Variants in LYPD1 observed in about 807,000 individuals in gnomAD.
LYPD1 encodes the protein ly6/PLAUR domain-containing protein 1.
In LYPD1, 14 loss-of-function variants were observed where a neutral mutation model predicts 14.2. The observed-to-expected ratio is 0.99, with a 90% CI of 0.65 to 1.54. The LOEUF (loss-of-function observed/expected upper bound fraction) is 1.54, where lower values mean the gene tolerates loss of function less well. Ranked by LOEUF, LYPD1 falls within the 40% of genes most tolerant of loss-of-function variation. The probability of loss-of-function intolerance (pLI) is 0.00; values close to 1 mark genes in which losing one functional copy is unlikely to be tolerated. For synonymous variants in LYPD1, 85 were observed against 70.6 expected (o/e 1.20, Z -1.02); for missense variants, 165 against 175.7 (o/e 0.94, Z 0.34).
At chr2:132,655,514 A>ACTTTTTTT (rs1682535529) in intron 2 of LYPD1, among the ~76,000 whole-genome samples, 5 of 99,458 alleles carry the variant, frequency 5.0e-5, no homozygotes, top group African/African-American at 9.6e-5. Flanking sequence ...GTTGAGAAGC[A>ACTTTTTTT]TTTTTTTTTT....
chr2:132,651,639 C>T (rs1308084456), intron 2 of LYPD1, among the ~76,000 whole-genome samples: 1 of 152,192 alleles, frequency 6.6e-6, no homozygotes, highest in African/African-American at 2.4e-5. Flanking sequence ...TTATACTATA[C>T]ATATTAAGCA....
In LYPD1 at chr2:132,658,269, C is replaced by A. The variant is rs1048649553; in HGVS notation, c.190+10131G>T. Among the ~76,000 whole-genome samples, 8 of 152,192 alleles carry A rather than the reference C, an allele frequency of 5.3e-5. No homozygotes were observed. The East Asian group carries it at 1.5e-3, about 29-fold the overall frequency. Reference sequence around the variant, plus strand: ...CCCCAAGATCACCTATGTAGACTATCTTGTTACATAAACAAGAAATGCCTT... The same window carrying A: ...CCCCAAGATCACCTATGTAGACTATATTGTTACATAAACAAGAAATGCCTT... On this transcript the variant is annotated intron_variant, in intron 2 of 2. Transcript: ENST00000397463.
At chr2:132,668,862 T>G (rs1485502811) in intron 1 of LYPD1, among the ~76,000 whole-genome samples, 11 of 152,240 alleles carry the variant, frequency 7.2e-5, no homozygotes, top group Admixed American at 7.2e-4. Context: ...GTGAAGTAGC[T>G]CTGGAGATGT....
intron 2 of LYPD1, among the ~76,000 whole-genome samples, chr2:132,664,634 G>A (rs190076340): frequency 6.6e-6 from 1 of 152,290 alleles, no homozygotes; most frequent in East Asian, 1.9e-4. Context: ...TTTAAATAAG[G>A]TTTAGGAGAA....
At chr2:132,664,820 A>C (rs573732416) in intron 2 of LYPD1, among the ~76,000 whole-genome samples, 1 of 152,354 alleles carries the variant, frequency 6.6e-6, no homozygotes, top group African/African-American at 2.4e-5. Flanking sequence ...TGGTTTAAAA[A>C]TTCATACTGG....
At chr2:132,657,613 C>T (rs1457647141) in intron 2 of LYPD1, among the ~76,000 whole-genome samples, 1 of 152,162 alleles carries the variant, frequency 6.6e-6, no homozygotes, top group East Asian at 1.9e-4. Context: ...ATATTTGTCA[C>T]CATGAACATG....
intron 2 of LYPD1, among the ~76,000 whole-genome samples, chr2:132,654,261 C>T (rs542759614): frequency 6.6e-6 from 1 of 152,172 alleles, no homozygotes; most frequent in Non-Finnish European, 1.5e-5. Flanking sequence ...ATCAGCTGGG[C>T]ATGGTGGCGC....
Position 132,645,801 on chromosome 2 carries a change from C to T in LYPD1, c.*244G>A. 7.8e-6 allele frequency: 6 copies of T among 770,790 alleles called. No individual in the cohort carries two copies. Among genetic ancestry groups the T allele is most frequent in the Non-Finnish European group, 1.2e-5 (6 of 494,662 alleles). 47.7% of individuals were successfully genotyped at this position (770,790 alleles called of 1,614,324 possible). On this transcript the variant is annotated 3_prime_UTR_variant, in exon 3 of 3. Transcript: ENST00000397463. ...CTGGCCTTGACTCCGGTTACACAGA[C>T]ATGGGGGTGAACTTTCACTCCACCT...
At chr2:132,649,923 A>G (rs1682289296) in intron 2 of LYPD1, among the ~76,000 whole-genome samples, 1 of 152,144 alleles carries the variant, frequency 6.6e-6, no homozygotes, top group South Asian at 2.1e-4. Context: ...TCTATGACAT[A>G]ACACCCAGAA....
chr2:132,668,285 C>A, intron 2 of LYPD1, 115 bp downstream of exon 2: 2 of 1,297,028 alleles, frequency 1.5e-6, no homozygotes, highest in Non-Finnish European at 2.1e-6. Context: ...TCTGCGATAA[C>A]CAGTGTGTGG....
intron 2 of LYPD1, among the ~76,000 whole-genome samples, chr2:132,652,738 G>A (rs980742894): frequency 6.6e-5 from 10 of 152,192 alleles, no homozygotes; most frequent in East Asian, 1.9e-4. Flanking sequence ...GCCACCCAGC[G>A]TTTAAAACTT....
chr2:132,652,365 G>T (rs1682392859), intron 2 of LYPD1, among the ~76,000 whole-genome samples: 1 of 152,184 alleles, frequency 6.6e-6, no homozygotes, highest in African/African-American at 2.4e-5. Flanking sequence ...AGGGGGTCTG[G>T]AAGTGCTTTT....
rs765283733 is a variant in LYPD1 at position 132,670,108 on chromosome 2, C to T, written c.-176G>A. 16 of 1,430,366 alleles carry T rather than the reference C, an allele frequency of 1.1e-5. No individual in the cohort carries two copies. Among genetic ancestry groups the T allele is most frequent in the African/African-American group, 1.6e-5 (1 of 63,406 alleles). The allele number at this position is 1,430,366 out of a possible 1,614,324, so 88.6% of individuals were successfully genotyped here. On this transcript the variant is annotated 5_prime_UTR_variant, in exon 1 of 3. Coordinates refer to ENST00000397463, the MANE Select transcript of LYPD1 (RefSeq NM_144586.7). The surrounding 1 kb of genome is among the most constrained non-coding windows in gnomAD (Gnocchi z 4.5). Reference sequence around the variant, plus strand: ...CAGGTGCCGCTCGCGGAGCCTGCATCGCCCGCGCTCGGGCTCCCGGCTGCG... The same window carrying T: ...CAGGTGCCGCTCGCGGAGCCTGCATTGCCCGCGCTCGGGCTCCCGGCTGCG...
intron 2 of LYPD1, among the ~76,000 whole-genome samples, chr2:132,652,126 TC>T (rs1377983168): frequency 1.3e-5 from 2 of 152,178 alleles, no homozygotes; most frequent in African/African-American, 2.4e-5. Flanking sequence ...TTTGGAGACT[TC>T]CCCAAAGAAC....
In LYPD1 at chr2:132,651,812, C is replaced by G. The variant is rs74628214; in HGVS notation, c.191-5532G>C. ...GGATGTGTGTGCACACATGTAAGTG[C>G]GTGAGTTGCCATCTCTAAGTCATAT... is the stretch of plus-strand genomic sequence containing the variant. On this transcript the variant is annotated intron_variant, in intron 2 of 2. Coordinates refer to ENST00000397463, the MANE Select transcript of LYPD1 (RefSeq NM_144586.7). 2.0e-4 allele frequency among the ~76,000 whole-genome samples: 31 copies of G among 152,170 alleles called. No individual in the cohort carries two copies. The East Asian group carries it at 6.0e-3, about 29-fold the overall frequency.
intron 2 of LYPD1, among the ~76,000 whole-genome samples, chr2:132,651,731 G>T (rs372182146): frequency 1.4e-4 from 21 of 152,326 alleles, no homozygotes; most frequent in African/African-American, 5.1e-4. Flanking sequence ...TACCATTTAT[G>T]TAAGAAAGAA....
chr2:132,656,703 G>A (rs576375603), intron 2 of LYPD1, among the ~76,000 whole-genome samples: 1 of 152,264 alleles, frequency 6.6e-6, no homozygotes, highest in South Asian at 2.1e-4. Flanking sequence ...GGAGAATTTT[G>A]TGCTCTGGCT....
chr2:132,645,124 G>A lies in LYPD1; in HGVS notation c.*921C>T, dbSNP rs758254362. On this transcript the variant is annotated 3_prime_UTR_variant, in exon 3 of 3. Coordinates refer to ENST00000397463, the MANE Select transcript of LYPD1 (RefSeq NM_144586.7). ...AGGGCTGATTGTTGTGACATTGGCCGTATGCTGGATGCCCAACCAGATTCG... is the reference window on the plus strand; with the variant it reads ...AGGGCTGATTGTTGTGACATTGGCCATATGCTGGATGCCCAACCAGATTCG... 5.0e-6 allele frequency: 8 copies of A among 1,613,360 alleles called. No homozygotes were observed. The highest frequency in any genetic ancestry group is 1.3e-5 in the African/African-American group (1 of 74,916).
Position 132,645,079 on chromosome 2 carries a change from C to T in LYPD1, c.*966G>A, listed in dbSNP as rs1167711105. ...TGTGTTTTTCTTTTCTCTGTCTCTCCCTCCTGCTCGTGTCTGCCCAGGGCT... is the reference window on the plus strand; with the variant it reads ...TGTGTTTTTCTTTTCTCTGTCTCTCTCTCCTGCTCGTGTCTGCCCAGGGCT... On this transcript the variant is annotated 3_prime_UTR_variant, in exon 3 of 3. Coordinates refer to ENST00000397463, the MANE Select transcript of LYPD1 (RefSeq NM_144586.7). The T allele has an allele frequency of 2.5e-6, 4 of 1,591,588 alleles. No individual in the cohort carries two copies. Among genetic ancestry groups the T allele is most frequent in the Admixed American group, 3.5e-5 (2 of 57,678 alleles).
Sources: allele counts gnomAD v4.1 joint callset (sites outside exome capture counted in the v4.1 genomes callset), GRCh38; gene constraint gnomAD v4.1.1; non-coding constraint Gnocchi (gnomAD v3.1); transcripts MANE v1.5; gene names NCBI Gene and HGNC (gene_info 2026-07-23, HGNC 2026-07-21).